AP2A1: variants seen among roughly 807,000 people sequenced by gnomAD.
AP2A1 encodes the protein AP-2 complex subunit alpha-1.
In AP2A1, 21 loss-of-function variants were observed where a neutral mutation model predicts 107.3. That is an observed-to-expected ratio of 0.20 (90% CI 0.14 to 0.28). The LOEUF (loss-of-function observed/expected upper bound fraction) is 0.28, where lower values mean the gene tolerates loss of function less well. Among genes scored for constraint, AP2A1 ranks in the 10% least tolerant of loss-of-function variants. AP2A1 has a pLI of 1.00. For missense variants in AP2A1, 873 were observed against 1,307.7 expected, an observed-to-expected ratio of 0.67 and a Z score of 5.13; for synonymous variants, 602 against 564.8, an observed-to-expected ratio of 1.07 and a Z score of -0.93.
Position 49,788,849 on chromosome 19 carries a change from C to T in AP2A1, c.474-3086C>T, listed in dbSNP as rs1374276577. Reference sequence around the variant, plus strand: ...TGGTTTCTGGTTCTAACTTGATGACCACTGGGCAGTGAACGTTTCTGTAGG... The same window carrying T: ...TGGTTTCTGGTTCTAACTTGATGACTACTGGGCAGTGAACGTTTCTGTAGG... On this transcript the variant is annotated intron_variant, in intron 4 of 22. Coordinates refer to ENST00000354293, the MANE Select transcript of AP2A1 (RefSeq NM_130787.3). The surrounding 1 kb of genome is among the most constrained non-coding windows in gnomAD (Gnocchi z 4.5). Among the ~76,000 whole-genome samples, 3 of 152,306 alleles carry T rather than the reference C, an allele frequency of 2.0e-5. No individual in the cohort carries two copies. The highest frequency in any genetic ancestry group is 2.9e-5 in the Non-Finnish European group (2 of 68,028).
chr19:49,795,258 A>T (rs2073197716), intron 6 of AP2A1, among the ~76,000 whole-genome samples: 1 of 152,188 alleles, frequency 6.6e-6, no homozygotes, highest in Non-Finnish European at 1.5e-5. Context: ...CACCAGCATT[A>T]CTTGGAAAGA....
chr19:49,797,885 A>T (rs1366209245), intron 7 of AP2A1, among the ~76,000 whole-genome samples: 3 of 151,500 alleles, frequency 2.0e-5, no homozygotes. Flanking sequence ...GTTTGAGATC[A>T]GACTGGACAA....
At chr19:49,777,210 G>A (rs965640496) in intron 1 of AP2A1, among the ~76,000 whole-genome samples, 3 of 151,970 alleles carry the variant, frequency 2.0e-5, no homozygotes, top group Non-Finnish European at 4.4e-5. Context: ...ACTGTAGCCT[G>A]GGTGACAGAG....
intron 4 of AP2A1, among the ~76,000 whole-genome samples, chr19:49,790,729 A>T (rs1393896532): frequency 6.6e-6 from 1 of 152,240 alleles, no homozygotes; most frequent in African/African-American, 2.4e-5. Context: ...CTTGGATTCA[A>T]AAGAGCCTTG....
At position 49,806,699 on chromosome 19, in the gene AP2A1, C is replaced by T. The variant is rs1320828048; in HGVS notation, c.2809C>T (p.Arg937Cys). The T allele has an allele frequency of 1.9e-6, 3 of 1,613,224 alleles. No individual in the cohort carries two copies. Among genetic ancestry groups the T allele is most frequent in the Non-Finnish European group, 2.5e-6 (3 of 1,179,808 alleles). ...AQAQMYRLTL[R>C]TSKEPVSRHL... ...CACCCAGATGTACCGGCTGACCCTG[C>T]GCACCAGCAAGGAGCCCGTCTCCCG... Residue 937 changes from arginine (R) to cysteine (C), a missense_variant, in exon 23 of 23, where the codon CGC (arginine) becomes TGC (cysteine). By Grantham distance (180) the Arg-to-Cys change is radical (BLOSUM62 -3). Coordinates refer to ENST00000354293, the MANE Select transcript of AP2A1 (RefSeq NM_130787.3).
At chr19:49,769,960 C>G (rs2084540760) in intron 1 of AP2A1, among the ~76,000 whole-genome samples, 1 of 152,064 alleles carries the variant, frequency 6.6e-6, no homozygotes, top group Non-Finnish European at 1.5e-5. Flanking sequence ...CCTCCGCCTC[C>G]CAGGTTCAAG....
At chr19:49,799,526 GC>G in intron 9 of AP2A1, 31 bp downstream of exon 9, 1 of 1,606,074 alleles carries the variant, frequency 6.2e-7, no homozygotes, top group Non-Finnish European at 8.5e-7. Flanking sequence ...CCCCGGGCCT[GC>G]CACCCCCCTC....
At position 49,806,954 on chromosome 19, in the gene AP2A1, A is replaced by G. The variant is rs766157654; in HGVS notation, c.*196A>G. 1.6e-5 allele frequency: 25 copies of G among 1,532,426 alleles called. No homozygotes were observed. In the East Asian group the frequency reaches 5.6e-4, roughly 35 times the overall value. 94.9% of individuals were successfully genotyped at this position (1,532,426 alleles called of 1,614,324 possible). ...GTTTACATTCTGGGGGGTTAGGGGG[A>G]GTCCCCCTCCCTCCCTTTCCCCCCC... On this transcript the variant is annotated 3_prime_UTR_variant, in exon 23 of 23. Coordinates refer to ENST00000354293, the MANE Select transcript of AP2A1 (RefSeq NM_130787.3).
rs1338006245 is a variant in AP2A1 at position 49,806,799 on chromosome 19, A to G, written c.*41A>G. On this transcript the variant is annotated 3_prime_UTR_variant, in exon 23 of 23. Transcript: ENST00000354293. ...CCGGGGGATGTGGCCGGCACTGGGC[A>G]GCCCCTTGGACTGAGGCAGTTTTGG... 1 of 1,612,530 alleles carries G rather than the reference A, an allele frequency of 6.2e-7. No homozygotes were observed. Among genetic ancestry groups the G allele is most frequent in the Admixed American group, 1.7e-5 (1 of 59,920 alleles).
intron 12 of AP2A1, 63 bp downstream of exon 12, chr19:49,801,121 G>A (rs895687893): frequency 4.1e-6 from 6 of 1,457,294 alleles, no homozygotes; most frequent in African/African-American, 1.4e-5. Context: ...GGGCTTGGGG[G>A]ATCCCCAGGG....
chr19:49,792,726 G>A (rs961925594), intron 5 of AP2A1, among the ~76,000 whole-genome samples: 1 of 152,104 alleles, frequency 6.6e-6, no homozygotes, highest in African/African-American at 2.4e-5. Context: ...ACCCTCTAGA[G>A]TCTCGCCCCT....
chr19:49,787,334 G>GTT (rs1298524155), intron 4 of AP2A1, among the ~76,000 whole-genome samples: 3 of 108,502 alleles, frequency 2.8e-5, no homozygotes, highest in African/African-American at 1.1e-4. Flanking sequence ...GGCTTTTTTT[G>GTT]TTTGTTTTTT....
At chr19:49,801,159 C>T (rs2073274061) in intron 12 of AP2A1, 101 bp downstream of exon 12, 1 of 1,204,122 alleles carries the variant, frequency 8.3e-7, no homozygotes, top group Middle Eastern at 2.1e-4. Context: ...GATGGGCTCC[C>T]ATCCTCTCGG....
Position 49,799,738 on chromosome 19 carries a change from CG to C in AP2A1, c.1246del (p.Ala416GlnfsTer11). ...TCGGAGATGCTGCGGTACCTGGAGA[CG>C]GCAGACTACGCCATCCGCGAGGAGA... ...IVSEMLRYLE[T>X]ADYAIREEIV... On this transcript the variant is annotated frameshift_variant, in exon 10 of 23. Coordinates refer to ENST00000354293, the MANE Select transcript of AP2A1 (RefSeq NM_130787.3). LOFTEE classifies it high-confidence loss of function. 2 of 1,613,476 alleles carry C rather than the reference CG, an allele frequency of 1.2e-6. No individual in the cohort carries two copies. The highest frequency in any genetic ancestry group is 1.7e-6 in the Non-Finnish European group (2 of 1,179,880).
rs773374983 is a variant in AP2A1, at chr19:49,806,853, GA to G, written c.*97del. 8.8e-6 allele frequency: 14 copies of G among 1,588,192 alleles called. No homozygotes were observed. The African/African-American group carries it at 1.6e-4, about 18-fold the overall frequency. ...ATGGGGGACCTCCACTGGTGACAGA[GA>G]AGACACCAGGGTTTGGGGGATGCCT... On this transcript the variant is annotated 3_prime_UTR_variant, in exon 23 of 23. Transcript: ENST00000354293.
chr19:49,769,517 G>C (rs2084536113), intron 1 of AP2A1, among the ~76,000 whole-genome samples: 1 of 152,152 alleles, frequency 6.6e-6, no homozygotes, highest in Non-Finnish European at 1.5e-5. Flanking sequence ...TGCATTCAGA[G>C]GTCCTGAGGT....
At position 49,788,648 on chromosome 19, in the gene AP2A1, G is replaced by A. The variant is rs1376979472; in HGVS notation, c.474-3287G>A. On this transcript the variant is annotated intron_variant, in intron 4 of 22. Transcript: ENST00000354293. This position sits in a 1 kb window ranked among gnomAD's most constrained non-coding sequence, Gnocchi z 4.5. ...GGGCTCGGGAGATGCACTGTGGCTC[G>A]GGAGATGAGCGCCATGACAGAGATG... is the stretch of plus-strand genomic sequence containing the variant. 2.0e-5 allele frequency among the ~76,000 whole-genome samples: 3 copies of A among 150,148 alleles called. No homozygotes were observed. The highest frequency in any genetic ancestry group is 7.4e-5 in the African/African-American group (3 of 40,680).
At chr19:49,806,394 C>G in intron 22 of AP2A1, 141 bp downstream of exon 22, 1 of 1,438,564 alleles carries the variant, frequency 7.0e-7, no homozygotes, top group Non-Finnish European at 9.1e-7. Context: ...CACTTTTACT[C>G]CTCTTTATCT....
Position 49,801,998 on chromosome 19 carries a change from C to A in AP2A1, c.1971C>A (p.Ser657=). The A allele has an allele frequency of 2.6e-6, 4 of 1,529,666 alleles. No homozygotes were observed. Among genetic ancestry groups the A allele is most frequent in the Non-Finnish European group, 3.5e-6 (4 of 1,143,288 alleles). The allele number at this position is 1,529,666 out of a possible 1,614,324, so 94.8% of individuals were successfully genotyped here. A position where few individuals can be genotyped will look rare whatever the true frequency, so the allele number is the denominator to read the frequency against. ...TPSTVSTPSP[S]ADLLGLRAAP... is the part of the protein sequence containing the mutation. ...TCCTACAGTCGACGCCCTCGCCCTC[C>A]GCCGACCTCCTGGGGCTGCGGGCAG... Residue 657 remains serine, a synonymous_variant, in exon 15 of 23, where the codon TCC becomes TCA. Coordinates refer to ENST00000354293, the MANE Select transcript of AP2A1 (RefSeq NM_130787.3).
Sources: allele counts gnomAD v4.1 joint callset (sites outside exome capture counted in the v4.1 genomes callset), GRCh38; gene constraint gnomAD v4.1.1; non-coding constraint Gnocchi (gnomAD v3.1); transcripts MANE v1.5; gene names NCBI Gene and HGNC (gene_info 2026-07-23, HGNC 2026-07-21).